Variants in GADL1 observed in about 807,000 individuals in gnomAD.
The protein encoded by GADL1 is acidic amino acid decarboxylase GADL1.
In GADL1, 71 loss-of-function variants were observed where a neutral mutation model predicts 69.5. That is an observed-to-expected ratio of 1.02 (90% CI 0.84 to 1.25). The LOEUF is 1.25. Ranked by LOEUF, GADL1 falls within the 50% of genes most tolerant of loss-of-function variation. The pLI is 0.00. For synonymous variants in GADL1, 254 were observed against 214.4 expected (o/e 1.18, Z -1.62); for missense variants, 737 against 631.8 (o/e 1.17, Z -1.79).
intron 14 of GADL1, among the ~76,000 whole-genome samples, chr3:30,763,962 CTT>C (rs371550109): frequency 1.4e-4 from 22 of 152,132 alleles, no homozygotes; most frequent in African/African-American, 4.8e-4. Flanking sequence ...TTCCCATTGA[CTT>C]TTTTCTTAAC....
intron 14 of GADL1, among the ~76,000 whole-genome samples, chr3:30,750,756 T>G (rs1361501710): frequency 5.3e-5 from 8 of 152,170 alleles, no homozygotes; most frequent in Admixed American, 4.6e-4. Flanking sequence ...CGGCTTCATA[T>G]GGATTTCAAT....
chr3:30,758,144 C>T (rs1460403682), intron 14 of GADL1, among the ~76,000 whole-genome samples: 1 of 152,210 alleles, frequency 6.6e-6, no homozygotes, highest in Non-Finnish European at 1.5e-5. Flanking sequence ...AAACTACTCT[C>T]TCCAACCATC....
At position 30,872,819 on chromosome 3, in the gene GADL1, A is replaced by C. The variant is rs566086934; in HGVS notation, c.38-11054T>G. Among the ~76,000 whole-genome samples, 126 of 152,080 alleles carry C rather than the reference A, an allele frequency of 8.3e-4. 2 individuals are homozygous for C. The South Asian group carries it at 0.016, about 20-fold the overall frequency. Reference sequence around the variant, plus strand: ...CTGCACTCTGTGAAACTAGAGAGCCATATGAATACTCTGAGTAGCTTGGAT... The same window carrying C: ...CTGCACTCTGTGAAACTAGAGAGCCCTATGAATACTCTGAGTAGCTTGGAT... On this transcript the variant is annotated intron_variant, in intron 1 of 14. Coordinates refer to ENST00000282538, the MANE Select transcript of GADL1 (RefSeq NM_207359.3).
At chr3:30,823,675 A>G (rs1188124945) in intron 11 of GADL1, among the ~76,000 whole-genome samples, 1 of 152,026 alleles carries the variant, frequency 6.6e-6, no homozygotes, top group Non-Finnish European at 1.5e-5. Flanking sequence ...TGGACACAAG[A>G]AATAGTAATA....
intron 14 of GADL1, among the ~76,000 whole-genome samples, chr3:30,760,972 AT>A: frequency 8.2e-6 from 1 of 122,028 alleles, no homozygotes; most frequent in South Asian, 2.5e-4. Flanking sequence ...TCAATGGCTA[AT>A]AAATATTTAC....
chr3:30,843,243 A>G (rs1313886549), intron 8 of GADL1, among the ~76,000 whole-genome samples: 1 of 149,240 alleles, frequency 6.7e-6, no homozygotes, highest in Non-Finnish European at 1.5e-5. Context: ...GGCTGAGACC[A>G]AAATAATGAT....
chr3:30,885,514 A>G (rs2125546379), intron 1 of GADL1, among the ~76,000 whole-genome samples: 1 of 152,220 alleles, frequency 6.6e-6, no homozygotes, highest in East Asian at 1.9e-4. Flanking sequence ...TTTGACAGAA[A>G]CAATACAAAC....
At chr3:30,857,686 A>G (rs912599055) in intron 2 of GADL1, among the ~76,000 whole-genome samples, 2 of 151,958 alleles carry the variant, frequency 1.3e-5, no homozygotes, top group East Asian at 3.9e-4. Flanking sequence ...ATTCAAATAC[A>G]TCTGATGGCT....
rs767414167 is a variant in GADL1 at position 30,857,041 on chromosome 3, T to A, written c.311A>T (p.Asp104Val). The A allele has an allele frequency of 1.3e-6, 2 of 1,549,614 alleles. No individual in the cohort carries two copies. Among genetic ancestry groups the A allele is most frequent in the South Asian group, 1.2e-5 (1 of 83,992 alleles). ...PPHKLLELCRDVIHYSVKTNH... is the reference protein window; with the variant it reads ...PPHKLLELCRVVIHYSVKTNH... ...AGTTTTGACACTGTAGTGTATGACA[T>A]CCCGACAGAGTTCCAATAGTTTATG... is the stretch of plus-strand genomic sequence containing the variant. The change falls in exon 3 of 15, where the codon GAT becomes GTT. Residue 104 changes from aspartate (D) to valine (V), a missense_variant. Transcript: ENST00000282538.
chr3:30,891,388 A>G (rs531053857), intron 1 of GADL1, among the ~76,000 whole-genome samples: 155 of 151,908 alleles, frequency 1.0e-3, no homozygotes, highest in Middle Eastern at 3.4e-3. Flanking sequence ...CATCCTTCCC[A>G]CTCAAAGAGG....
chr3:30,801,110 A>G, intron 11 of GADL1, 22 bp from the exon 12 acceptor site: 13 of 1,469,860 alleles, frequency 8.8e-6, no homozygotes, highest in Non-Finnish European at 9.5e-6. Context: ...AAAAGATTAC[A>G]AGACTGTTAA....
intron 13 of GADL1, 30 bp from the exon 14 acceptor site, chr3:30,778,298 A>T: frequency 7.3e-7 from 1 of 1,361,252 alleles, no homozygotes; most frequent in Admixed American, 1.8e-5. Context: ...TAAAGTTGTT[A>T]TCTTAAGATT....
At chr3:30,849,579 C>T (rs534875005) in intron 6 of GADL1, among the ~76,000 whole-genome samples, 1 of 151,948 alleles carries the variant, frequency 6.6e-6, no homozygotes, top group East Asian at 1.9e-4. Flanking sequence ...TACTGTATAT[C>T]TTTCTTTTCC....
At chr3:30,842,840 A>AT (rs1697990741) in intron 8 of GADL1, among the ~76,000 whole-genome samples, 1 of 150,796 alleles carries the variant, frequency 6.6e-6, no homozygotes, top group African/African-American at 2.4e-5. Context: ...AAAAAAAAAA[A>AT]AAAGTAGGAC....
intron 13 of GADL1, among the ~76,000 whole-genome samples, chr3:30,783,486 C>T (rs1347326674): frequency 1.3e-5 from 2 of 149,840 alleles, no homozygotes; most frequent in African/African-American, 4.8e-5. Flanking sequence ...TTACAATTTC[C>T]AATGTTCCAC....
chr3:30,813,474 A>C (rs1193053461), intron 11 of GADL1, among the ~76,000 whole-genome samples: 2 of 152,238 alleles, frequency 1.3e-5, no homozygotes, highest in Non-Finnish European at 2.9e-5. Flanking sequence ...ATCTTCACCA[A>C]GAGCACAATA....
chr3:30,817,588 T>C (rs1697497545), intron 11 of GADL1, among the ~76,000 whole-genome samples: 1 of 152,182 alleles, frequency 6.6e-6, no homozygotes, highest in East Asian at 1.9e-4. Context: ...AACAATCTTT[T>C]CCTTATTACA....
At chr3:30,741,846 C>T (rs1695631198) in intron 14 of GADL1, among the ~76,000 whole-genome samples, 1 of 152,128 alleles carries the variant, frequency 6.6e-6, no homozygotes. Context: ...CACTAATCAC[C>T]AGTGGGGTGC....
intron 1 of GADL1, among the ~76,000 whole-genome samples, chr3:30,863,072 C>G (rs1312386410): frequency 6.6e-6 from 1 of 151,636 alleles, no homozygotes; most frequent in African/African-American, 2.4e-5. Context: ...CACACTCACA[C>G]ACTCACTCTC....
Sources: gnomAD v4.1 joint callset for allele counts (sites outside exome capture counted in the v4.1 genomes callset) on GRCh38, gnomAD v4.1.1 for gene constraint, MANE v1.5 for transcripts, NCBI Gene and HGNC (gene_info 2026-07-23, HGNC 2026-07-21) for gene names.